CRYBG1: variants seen among roughly 807,000 people sequenced by gnomAD.
CRYBG1 encodes the protein crystallin beta-gamma domain containing 1.
In CRYBG1, 139 loss-of-function variants were observed where a neutral mutation model predicts 189.2. That is an observed-to-expected ratio of 0.73 (90% CI 0.64 to 0.85). CRYBG1 has a LOEUF of 0.85. CRYBG1 is among the 40% of genes least tolerant of loss of function. The probability of loss-of-function intolerance (pLI) is 0.00; values close to 1 mark genes in which losing one functional copy is unlikely to be tolerated. For missense variants in CRYBG1, 2,611 were observed against 2,675.8 expected (o/e 0.98, Z 0.53); for synonymous variants, 1,023 against 1,017.1 (o/e 1.01, Z -0.11).
chr6:106,393,218 G>T (rs187170792), intron 1 of CRYBG1, among the ~76,000 whole-genome samples: 3 of 152,296 alleles, frequency 2.0e-5, no homozygotes, highest in Non-Finnish European at 4.4e-5. Context: ...GATGGAACAT[G>T]GAGGAGCTGT....
At chr6:106,508,986 C>T (rs925387055) in intron 2 of CRYBG1, among the ~76,000 whole-genome samples, 2 of 27,612 alleles carry the variant, frequency 7.2e-5, no homozygotes, top group Non-Finnish European at 1.9e-4. Flanking sequence ...GCTGATCAAG[C>T]GTCTGCTGCA....
chr6:106,561,944 A>G (rs1774731760), intron 20 of CRYBG1, among the ~76,000 whole-genome samples: 1 of 152,166 alleles, frequency 6.6e-6, no homozygotes, highest in African/African-American at 2.4e-5. Flanking sequence ...ATACGTTGTA[A>G]ATTAGAAAAT....
chr6:106,519,614 T>C lies in CRYBG1; in HGVS notation c.2406T>C (p.Ser802=), dbSNP rs1263925611. 5 of 1,614,246 alleles carry C rather than the reference T, an allele frequency of 3.1e-6. No homozygotes were observed. The Middle Eastern group carries it at 4.9e-4, about 160-fold the overall frequency. Residue 802 remains serine, a synonymous_variant, in exon 4 of 22, where the codon TCT becomes TCC. Coordinates refer to ENST00000633556, the MANE Select transcript of CRYBG1 (RefSeq NM_001371242.2). ...DAGCLSEPVA[S]ALIPVKDHKL... Reference sequence around the variant, plus strand: ...GCTGCCTTTCAGAACCAGTGGCTTCTGCTCTGATTCCTGTCAAGGATCATA... The same window carrying C: ...GCTGCCTTTCAGAACCAGTGGCTTCCGCTCTGATTCCTGTCAAGGATCATA...
intron 11 of CRYBG1, 128 bp downstream of exon 11, chr6:106,543,725 C>T (rs913893777): frequency 9.5e-7 from 1 of 1,053,366 alleles, no homozygotes. Flanking sequence ...GTTATATCCA[C>T]ATTCTCCTCA....
chr6:106,571,760 A>G lies in CRYBG1; in HGVS notation c.*3194A>G, dbSNP rs9320183. 51,515 of 451,632 alleles carry G rather than the reference A, an allele frequency of 0.11. 3,512 individuals are homozygous for G. Among genetic ancestry groups the G allele is most frequent in the African/African-American group, 0.2 (9,952 of 49,432 alleles). 28.0% of individuals were successfully genotyped at this position (451,632 alleles called of 1,614,324 possible). A position where few individuals can be genotyped will look rare whatever the true frequency, so the allele number is the denominator to read the frequency against. ...AGGTGCCACAACAACCTGCAAAGCCAGTGTGAAGGAACAGCTTGAAAAAAC... is the reference window on the plus strand; with the variant it reads ...AGGTGCCACAACAACCTGCAAAGCCGGTGTGAAGGAACAGCTTGAAAAAAC... On this transcript the variant is annotated 3_prime_UTR_variant, in exon 22 of 22. Transcript: ENST00000633556.
At chr6:106,498,431 T>G (rs17268292) in intron 2 of CRYBG1, among the ~76,000 whole-genome samples, 21,360 of 152,158 alleles carry the variant, frequency 0.14, 1,539 homozygotes, top group East Asian at 0.17. Context: ...GGGGTTGTGA[T>G]CCAATCCCAT....
chr6:106,464,156 C>T (rs1019030052), intron 2 of CRYBG1, among the ~76,000 whole-genome samples: 3 of 152,270 alleles, frequency 2.0e-5, no homozygotes, highest in Admixed American at 1.3e-4. Flanking sequence ...GACACTGGGC[C>T]TGTCTAATCG....
chr6:106,402,358 G>T (rs1582742928), intron 1 of CRYBG1, among the ~76,000 whole-genome samples: 1 of 52,422 alleles, frequency 1.9e-5, no homozygotes, highest in Non-Finnish European at 3.7e-5. Flanking sequence ...TAAGCCAAAA[G>T]AACAAAGCTG....
At chr6:106,548,294 C>A (rs114819684) in intron 13 of CRYBG1, among the ~76,000 whole-genome samples, 333 of 152,270 alleles carry the variant, frequency 2.2e-3, no homozygotes, top group African/African-American at 7.5e-3. Context: ...TCCCCTCCCC[C>A]ACTCCCCCCA....
At chr6:106,496,734 T>C (rs1772859052) in intron 2 of CRYBG1, among the ~76,000 whole-genome samples, 1 of 152,182 alleles carries the variant, frequency 6.6e-6, no homozygotes. Context: ...AGGCTGATCA[T>C]TTTGAAGGTT....
chr6:106,568,425 C>A, intron 21 of CRYBG1, 47 bp from the exon 22 acceptor site: 3 of 1,446,766 alleles, frequency 2.1e-6, no homozygotes, highest in Non-Finnish European at 2.9e-6. Context: ...TGCTATAGAC[C>A]CTTCACCATG....
intron 1 of CRYBG1, among the ~76,000 whole-genome samples, chr6:106,379,041 G>A (rs2114314876): frequency 6.6e-6 from 1 of 152,052 alleles, no homozygotes; most frequent in South Asian, 2.1e-4. Flanking sequence ...CAGCTACTTT[G>A]CTGAGACTGA....
At chr6:106,462,296 G>A (rs979105942) in intron 2 of CRYBG1, among the ~76,000 whole-genome samples, 5 of 152,130 alleles carry the variant, frequency 3.3e-5, no homozygotes, top group African/African-American at 1.2e-4. Context: ...TCAGCCTCCC[G>A]AGTAGCTGGG....
chr6:106,474,079 C>T (rs1772289814), intron 2 of CRYBG1, among the ~76,000 whole-genome samples: 1 of 150,718 alleles, frequency 6.6e-6, no homozygotes, highest in Non-Finnish European at 1.5e-5. Context: ...AAGAAACTAT[C>T]TTGTTGATTA....
At chr6:106,455,152 A>G (rs1771860171) in intron 2 of CRYBG1, among the ~76,000 whole-genome samples, 1 of 152,200 alleles carries the variant, frequency 6.6e-6, no homozygotes, top group African/African-American at 2.4e-5. Flanking sequence ...TTAAATATTT[A>G]GTTGGCTTTA....
At chr6:106,551,578 T>C (rs537324821) in intron 13 of CRYBG1, among the ~76,000 whole-genome samples, 12 of 152,362 alleles carry the variant, frequency 7.9e-5, no homozygotes, top group African/African-American at 2.9e-4. Flanking sequence ...CTTTAGTTCT[T>C]TGAGAAATCT....
chr6:106,396,860 T>G (rs1470476141), intron 1 of CRYBG1, among the ~76,000 whole-genome samples: 1 of 152,200 alleles, frequency 6.6e-6, no homozygotes, highest in Non-Finnish European at 1.5e-5. Flanking sequence ...TTTTGTATTT[T>G]TAGTAGAGCC....
At chr6:106,389,049 A>G (rs1212188306) in intron 1 of CRYBG1, among the ~76,000 whole-genome samples, 2 of 152,152 alleles carry the variant, frequency 1.3e-5, no homozygotes, top group Non-Finnish European at 2.9e-5. Flanking sequence ...ATTTTCACCT[A>G]GTTATCCTCA....
chr6:106,523,041 A>G (rs910798779), intron 4 of CRYBG1, among the ~76,000 whole-genome samples: 8 of 152,232 alleles, frequency 5.3e-5, no homozygotes, highest in Admixed American at 3.3e-4. Context: ...ACCAGAAAGT[A>G]GAAGTGCACA....
Sources: gnomAD v4.1 joint callset for allele counts (sites outside exome capture counted in the v4.1 genomes callset) on GRCh38, gnomAD v4.1.1 for gene constraint, MANE v1.5 for transcripts, NCBI Gene and HGNC (gene_info 2026-07-23, HGNC 2026-07-21) for gene names.